MROH9: variants seen among roughly 807,000 people sequenced by gnomAD.
MROH9 encodes maestro heat-like repeat-containing protein family member 9.
In MROH9, 92 loss-of-function variants were observed where a neutral mutation model predicts 98.2. The observed-to-expected ratio is 0.94, with a 90% CI of 0.79 to 1.11. MROH9 has a LOEUF of 1.11. MROH9 is among the 50% of genes most tolerant of loss of function. MROH9 has a pLI of 0.00. For missense variants in MROH9, 1,057 were observed against 1,014.8 expected, an observed-to-expected ratio of 1.04 and a Z score of -0.57; for synonymous variants, 397 against 368.9, an observed-to-expected ratio of 1.08 and a Z score of -0.87.
At chr1:170,960,805 G>A (rs1255787099) in intron 5 of MROH9, among the ~76,000 whole-genome samples, 1 of 151,940 alleles carries the variant, frequency 6.6e-6, no homozygotes, top group Non-Finnish European at 1.5e-5. Flanking sequence ...GTTTTGTTTT[G>A]TTTTATAGAG....
At chr1:171,012,333 T>A (rs1652180660) in intron 15 of MROH9, among the ~76,000 whole-genome samples, 1 of 152,110 alleles carries the variant, frequency 6.6e-6, no homozygotes, top group South Asian at 2.1e-4. Context: ...GGTATCTAAT[T>A]TTTGTGAAGC....
intron 20 of MROH9, among the ~76,000 whole-genome samples, chr1:171,050,950 A>G (rs1419409366): frequency 6.6e-6 from 1 of 152,136 alleles, no homozygotes; most frequent in Non-Finnish European, 1.5e-5. Context: ...TATGTGGTGA[A>G]TCACATTTAT....
At chr1:170,989,158 T>A (rs907655146) in intron 10 of MROH9, among the ~76,000 whole-genome samples, 3 of 152,178 alleles carry the variant, frequency 2.0e-5, no homozygotes, top group Non-Finnish European at 1.5e-5. Flanking sequence ...GTCTAAAATT[T>A]ATGATCCAGG....
At chr1:171,062,225 T>C in intron 21 of MROH9, 31 bp downstream of exon 21, 2 of 1,420,672 alleles carry the variant, frequency 1.4e-6, no homozygotes, top group Non-Finnish European at 1.9e-6. Flanking sequence ...AAAATCTTTA[T>C]GCATAAATCT....
In MROH9 at chr1:171,029,774, T is replaced by A. The variant is rs185981490; in HGVS notation, c.2281+4354T>A. 2.0e-3 allele frequency among the ~76,000 whole-genome samples: 303 copies of A among 152,330 alleles called. 3 individuals carry two copies. Among genetic ancestry groups the A allele is most frequent in the African/African-American group, 7.1e-3 (294 of 41,570 alleles). The stretch of plus-strand genomic sequence containing the variant: ...GAGTTTTCCTTTTTTATTGTGTCTC[T>A]TTCTGGTTTTGGTATCAGAATGATG... On this transcript the variant is annotated intron_variant, in intron 20 of 21. Transcript: ENST00000367759.
chr1:170,953,726 GGGAAA>G (rs1238889666), intron 3 of MROH9, among the ~76,000 whole-genome samples: 1 of 102,898 alleles, frequency 9.7e-6, no homozygotes, highest in East Asian at 3.2e-4. Flanking sequence ...ATGTAGATTA[GGGAAA>G]GAAAAGAAAA....
chr1:170,941,743 G>T (rs548664784), intron 1 of MROH9, among the ~76,000 whole-genome samples: 1 of 152,270 alleles, frequency 6.6e-6, no homozygotes, highest in South Asian at 2.1e-4. Flanking sequence ...CAAGCACAGA[G>T]CTCCTCAAGG....
intron 3 of MROH9, among the ~76,000 whole-genome samples, chr1:170,950,673 G>T (rs1029076751): frequency 1.3e-5 from 2 of 152,106 alleles, no homozygotes; most frequent in Admixed American, 1.3e-4. Flanking sequence ...GCACATGCAT[G>T]TGTATTACCT....
intron 12 of MROH9, 59 bp from the exon 13 acceptor site, chr1:170,995,330 G>A: frequency 6.3e-7 from 1 of 1,596,310 alleles, no homozygotes; most frequent in East Asian, 2.2e-5. Context: ...CCTCAGTAAG[G>A]TTGACCGGGT....
At chr1:170,977,246 C>G (rs1254585077) in intron 8 of MROH9, among the ~76,000 whole-genome samples, 1 of 152,158 alleles carries the variant, frequency 6.6e-6, no homozygotes, top group Non-Finnish European at 1.5e-5. Flanking sequence ...TCATTTCAGT[C>G]AATCCAACCT....
chr1:171,018,611 G>A (rs771185723), intron 17 of MROH9, among the ~76,000 whole-genome samples: 5 of 152,190 alleles, frequency 3.3e-5, no homozygotes, highest in Non-Finnish European at 7.3e-5. Context: ...ACTCCTCTGA[G>A]CTAAAGGAGC....
At chr1:170,949,232 T>C (rs948353458) in intron 3 of MROH9, among the ~76,000 whole-genome samples, 2 of 152,042 alleles carry the variant, frequency 1.3e-5, no homozygotes, top group Non-Finnish European at 2.9e-5. Flanking sequence ...TCAAGAATAC[T>C]TATCTAAAAG....
At chr1:171,035,720 A>T (rs879474801) in intron 20 of MROH9, among the ~76,000 whole-genome samples, 3 of 152,226 alleles carry the variant, frequency 2.0e-5, no homozygotes, top group Non-Finnish European at 2.9e-5. Context: ...AAACCATAAG[A>T]TACCATTATA....
chr1:170,988,122 G>A (rs1651219071), intron 10 of MROH9, among the ~76,000 whole-genome samples: 1 of 152,166 alleles, frequency 6.6e-6, no homozygotes. Flanking sequence ...CAAGGTGATA[G>A]TGGCAGAGCT....
chr1:170,939,868 C>G (rs945479177), intron 1 of MROH9, among the ~76,000 whole-genome samples: 5 of 152,146 alleles, frequency 3.3e-5, no homozygotes, highest in African/African-American at 1.2e-4. Flanking sequence ...TAAGGCTTTG[C>G]TCCAAAATCC....
chr1:170,987,984 C>A (rs1410643850), intron 10 of MROH9, among the ~76,000 whole-genome samples: 4 of 152,180 alleles, frequency 2.6e-5, no homozygotes, highest in Admixed American at 6.5e-5. Flanking sequence ...GGTCCCCTGG[C>A]ATTTTGTGAA....
rs777957206 is a variant in MROH9 at position 170,998,289 on chromosome 1, C to G, written c.1596+15C>G. On this transcript the variant is annotated intron_variant, in intron 15 of 21. Coordinates refer to ENST00000367759, the MANE Select transcript of MROH9 (RefSeq NM_001163629.2). ...TCCTCACTGAAGTGAGTTTTGTAGA[C>G]TGTGAACAGCTGTGTTCTCATTTCC... 3 of 1,613,398 alleles carry G rather than the reference C, an allele frequency of 1.9e-6. No individual in the cohort carries two copies. The highest frequency in any genetic ancestry group is 2.5e-6 in the Non-Finnish European group (3 of 1,179,622).
At chr1:170,977,839 G>A (rs1275412822) in intron 8 of MROH9, among the ~76,000 whole-genome samples, 1 of 152,160 alleles carries the variant, frequency 6.6e-6, no homozygotes, top group Non-Finnish European at 1.5e-5. Context: ...GAGAGATGCA[G>A]GTCAGCAATT....
intron 3 of MROH9, among the ~76,000 whole-genome samples, chr1:170,956,038 A>C (rs1318808100): frequency 6.6e-6 from 1 of 152,168 alleles, no homozygotes. Context: ...GCATGTGGCT[A>C]GCCAATTATC....
Sources: gnomAD v4.1 joint callset for allele counts (sites outside exome capture counted in the v4.1 genomes callset) on GRCh38, gnomAD v4.1.1 for gene constraint, MANE v1.5 for transcripts, NCBI Gene and HGNC (gene_info 2026-07-23, HGNC 2026-07-21) for gene names.